Variants in HPSE2 observed in about 807,000 individuals in gnomAD.
HPSE2 encodes inactive heparanase-2.
HPSE2 carries 38 observed loss-of-function variants against 60.5 expected under a neutral mutation model. The ratio of observed to expected loss-of-function variants is 0.63; its 90% CI spans 0.48 to 0.82. The LOEUF (loss-of-function observed/expected upper bound fraction) is 0.82. Among genes scored for constraint, HPSE2 ranks in the 40% least tolerant of loss-of-function variants. HPSE2 has a pLI of 0.00. For missense variants in HPSE2, 713 were observed against 740.4 expected (o/e 0.96, Z 0.43); for synonymous variants, 295 against 293.2 (o/e 1.01, Z -0.06).
intron 3 of HPSE2, among the ~76,000 whole-genome samples, chr10:98,750,364 A>T (rs1485524719): frequency 1.3e-5 from 2 of 152,150 alleles, no homozygotes; most frequent in African/African-American, 4.8e-5. Flanking sequence ...TCATTATAAG[A>T]ACTTTGGCTT....
chr10:99,209,038 A>G (rs1848863307), intron 2 of HPSE2, among the ~76,000 whole-genome samples: 2 of 152,350 alleles, frequency 1.3e-5, no homozygotes, highest in South Asian at 4.1e-4. Context: ...TGATAGACAA[A>G]TACAATAATA....
At chr10:98,963,931 C>T (rs552517438) in intron 3 of HPSE2, among the ~76,000 whole-genome samples, 13 of 152,138 alleles carry the variant, frequency 8.5e-5, no homozygotes, top group South Asian at 2.1e-4. Context: ...TTACAGAACA[C>T]AGAATAGCAG....
At chr10:98,596,009 A>T (rs1196723139) in intron 9 of HPSE2, among the ~76,000 whole-genome samples, 1 of 152,272 alleles carries the variant, frequency 6.6e-6, no homozygotes, top group East Asian at 1.9e-4. Flanking sequence ...ACCTTTATAG[A>T]TTTATGCATG....
intron 3 of HPSE2, among the ~76,000 whole-genome samples, chr10:98,851,163 C>T (rs1483056221): frequency 2.0e-5 from 3 of 152,168 alleles, no homozygotes; most frequent in African/African-American, 7.2e-5. Context: ...GAAAAAGTAC[C>T]TCAGGAGAGA....
intron 3 of HPSE2, among the ~76,000 whole-genome samples, chr10:98,929,648 C>T (rs1221109170): frequency 2.1e-5 from 3 of 143,336 alleles, no homozygotes; most frequent in Non-Finnish European, 4.5e-5. Context: ...TTTAATGTCC[C>T]TAATGGAGAA....
chr10:99,092,074 T>C (rs1161216487), intron 3 of HPSE2, among the ~76,000 whole-genome samples: 1 of 152,190 alleles, frequency 6.6e-6, no homozygotes, highest in Non-Finnish European at 1.5e-5. Flanking sequence ...AAAGAGTTAC[T>C]GATCAAATAA....
At chr10:98,564,325 C>A (rs1944276528) in intron 9 of HPSE2, among the ~76,000 whole-genome samples, 1 of 152,200 alleles carries the variant, frequency 6.6e-6, no homozygotes, top group Admixed American at 6.5e-5. Flanking sequence ...GACTCATTTT[C>A]CTCATCTTTA....
intron 3 of HPSE2, among the ~76,000 whole-genome samples, chr10:98,991,145 T>C (rs997504981): frequency 2.0e-5 from 3 of 152,192 alleles, no homozygotes; most frequent in African/African-American, 7.2e-5. Flanking sequence ...TTATAACACA[T>C]AGGCTCTAAG....
intron 3 of HPSE2, among the ~76,000 whole-genome samples, chr10:98,968,946 G>A (rs568401347): frequency 7.9e-5 from 12 of 151,862 alleles, no homozygotes; most frequent in Admixed American, 5.9e-4. Flanking sequence ...CACTAACGAA[G>A]TTACCCATGT....
intron 8 of HPSE2, among the ~76,000 whole-genome samples, chr10:98,616,519 G>A (rs906068061): frequency 6.6e-6 from 1 of 151,830 alleles, no homozygotes; most frequent in African/African-American, 2.4e-5. Flanking sequence ...GAAGAATTAA[G>A]TTTTTTCCTT....
At chr10:98,483,377 T>C (rs1276786282) in intron 10 of HPSE2, among the ~76,000 whole-genome samples, 1 of 152,240 alleles carries the variant, frequency 6.6e-6, no homozygotes, top group East Asian at 1.9e-4. Context: ...AAGTGTAACA[T>C]TACTTAACTA....
At chr10:98,608,610 G>A (rs1217666592) in intron 9 of HPSE2, among the ~76,000 whole-genome samples, 3 of 152,180 alleles carry the variant, frequency 2.0e-5, no homozygotes, top group East Asian at 3.9e-4. Context: ...CAGGCACTTC[G>A]GCCACTGACG....
rs113767047 is a variant in HPSE2, at chr10:98,859,322, T to C, written c.611-115266A>G. Among the ~76,000 whole-genome samples, 267 of 152,244 alleles carry C rather than the reference T, an allele frequency of 1.8e-3. 1 individual carries two copies. Among genetic ancestry groups the C allele is most frequent in the African/African-American group, 6.3e-3 (263 of 41,556 alleles). On this transcript the variant is annotated intron_variant, in intron 3 of 11. Transcript: ENST00000370552. Reference sequence around the variant, plus strand: ...ATTAAAAGTTTCCTGGTTGTGATGGTTAATATTATGTGTCAACTTGTCTGG... The same window carrying C: ...ATTAAAAGTTTCCTGGTTGTGATGGCTAATATTATGTGTCAACTTGTCTGG...
rs140154839 is a variant in HPSE2, at chr10:98,482,773, G to A, written c.1476C>T (p.Tyr492=). 1.5e-3 allele frequency: 2,357 copies of A among 1,614,078 alleles called. 8 individuals carry two copies. The highest frequency in any genetic ancestry group is 3.5e-3 in the East Asian group (156 of 44,878). The part of the protein sequence containing the change: ...AHCTNHHNHN[Y]VRGSITLFII... Reference sequence around the variant, plus strand: ...TAAAAAGTGTAATGGACCCACGAACGTAGTTGTGGCTGAGATCCAGAGAAA... The same window carrying A: ...TAAAAAGTGTAATGGACCCACGAACATAGTTGTGGCTGAGATCCAGAGAAA... Residue 492 remains tyrosine, a synonymous_variant, in exon 11 of 12, where the codon TAC becomes TAT. Coordinates refer to ENST00000370552, the MANE Select transcript of HPSE2 (RefSeq NM_021828.5).
At chr10:99,046,500 A>G (rs1957858708) in intron 3 of HPSE2, among the ~76,000 whole-genome samples, 2 of 152,152 alleles carry the variant, frequency 1.3e-5, no homozygotes, top group Non-Finnish European at 1.5e-5. Context: ...CAAGAAAAAA[A>G]GAAATAAAAC....
At chr10:99,102,046 T>C (rs191210270) in intron 3 of HPSE2, among the ~76,000 whole-genome samples, 32 of 152,236 alleles carry the variant, frequency 2.1e-4, no homozygotes, top group African/African-American at 7.2e-4. Flanking sequence ...AGATCTAAAA[T>C]TGACATCCTA....
At chr10:99,150,762 T>C (rs1382274190) in intron 2 of HPSE2, among the ~76,000 whole-genome samples, 1 of 152,008 alleles carries the variant, frequency 6.6e-6, no homozygotes, top group Non-Finnish European at 1.5e-5. Context: ...TCTTCACACA[T>C]AACTGGCTAA....
intron 2 of HPSE2, among the ~76,000 whole-genome samples, chr10:99,169,839 G>A (rs1423362478): frequency 6.6e-6 from 1 of 152,108 alleles, no homozygotes; most frequent in Admixed American, 6.5e-5. Flanking sequence ...CAAACAGAAA[G>A]TATTTTAGGT....
intron 9 of HPSE2, among the ~76,000 whole-genome samples, chr10:98,531,036 G>A (rs953437455): frequency 3.3e-5 from 5 of 152,036 alleles, no homozygotes; most frequent in African/African-American, 9.7e-5. Flanking sequence ...ATATATCTCC[G>A]TGCCAGGCAC....
Sources: gnomAD v4.1 joint callset for allele counts (sites outside exome capture counted in the v4.1 genomes callset) on GRCh38, gnomAD v4.1.1 for gene constraint, MANE v1.5 for transcripts, NCBI Gene and HGNC (gene_info 2026-07-23, HGNC 2026-07-21) for gene names.